SLCO1B1: variants seen among roughly 807,000 people sequenced by gnomAD.
SLCO1B1 encodes solute carrier organic anion transporter family member 1B1.
Under a neutral mutation model 70.1 loss-of-function variants are expected in SLCO1B1, and 81 were observed. The ratio of observed to expected loss-of-function variants is 1.16; its 90% CI spans 0.97 to 1.39. The LOEUF (loss-of-function observed/expected upper bound fraction) is 1.39. SLCO1B1 is among the 40% of genes most tolerant of loss of function. The pLI is 0.00. For missense variants in SLCO1B1, 895 were observed against 799.6 expected (o/e 1.12, Z -1.44); for synonymous variants, 283 against 271.5 (o/e 1.04, Z -0.42).
intron 7 of SLCO1B1, among the ~76,000 whole-genome samples, chr12:21,188,646 T>TA (rs1940989952): frequency 6.6e-6 from 1 of 152,092 alleles, no homozygotes; most frequent in African/African-American, 2.4e-5. Context: ...GATCTCATGA[T>TA]ACTGAGTGAA....
chr12:21,140,055 A>G (rs986310192), intron 1 of SLCO1B1, among the ~76,000 whole-genome samples: 12 of 152,132 alleles, frequency 7.9e-5, no homozygotes. Context: ...TAAACAAAAC[A>G]TACATAAAAC....
chr12:21,208,274 A>C (rs969748939), intron 11 of SLCO1B1, among the ~76,000 whole-genome samples: 1 of 152,032 alleles, frequency 6.6e-6, no homozygotes, highest in Non-Finnish European at 1.5e-5. Flanking sequence ...TAGGTTTTAC[A>C]TTTCAGTCTG....
intron 7 of SLCO1B1, among the ~76,000 whole-genome samples, chr12:21,182,212 G>T (rs993179657): frequency 1.3e-5 from 2 of 152,256 alleles, no homozygotes; most frequent in East Asian, 3.9e-4. Context: ...TAGCTAAGGG[G>T]TGAGTAAAGT....
intron 7 of SLCO1B1, among the ~76,000 whole-genome samples, chr12:21,195,946 A>G (rs564655418): frequency 1.3e-5 from 2 of 152,294 alleles, no homozygotes; most frequent in African/African-American, 4.8e-5. Context: ...GTTTTCTTAC[A>G]TTCAGTCTAT....
intron 14 of SLCO1B1, among the ~76,000 whole-genome samples, chr12:21,237,288 A>G (rs966280766): frequency 1.3e-5 from 2 of 152,202 alleles, no homozygotes; most frequent in Admixed American, 1.3e-4. Flanking sequence ...ATGTACTGGA[A>G]AAACATTTCT....
At chr12:21,197,268 G>A (rs1941105368) in intron 8 of SLCO1B1, 80 bp downstream of exon 8, 30 of 1,514,514 alleles carry the variant, frequency 2.0e-5, no homozygotes, top group Non-Finnish European at 2.5e-5. Context: ...AAATAATAAA[G>A]CATACCCAAC....
At chr12:21,175,528 G>T (rs78854974) in intron 4 of SLCO1B1, among the ~76,000 whole-genome samples, 6,051 of 152,158 alleles carry the variant, frequency 0.04, 183 homozygotes, top group Non-Finnish European at 0.059. Context: ...AGGATATTAG[G>T]AGACAATGAG....
At chr12:21,161,784 A>G (rs1940622662) in intron 2 of SLCO1B1, among the ~76,000 whole-genome samples, 1 of 152,120 alleles carries the variant, frequency 6.6e-6, no homozygotes, top group South Asian at 2.1e-4. Context: ...GAGGTGGGCG[A>G]ATCACTTGAG....
chr12:21,141,369 G>A (rs1940304751), intron 1 of SLCO1B1, 145 bp from the exon 2 acceptor site: 1 of 374,124 alleles, frequency 2.7e-6, no homozygotes, highest in Admixed American at 4.0e-5. Context: ...TTCCAGCATT[G>A]ACCTAGCAGA....
At chr12:21,177,830 C>CCAGT in intron 5 of SLCO1B1, among the ~76,000 whole-genome samples, 1 of 152,056 alleles carries the variant, frequency 6.6e-6, no homozygotes, top group South Asian at 2.1e-4. Context: ...ACATTACTGT[C>CCAGT]CAGTCATTAA....
At chr12:21,139,687 A>T (rs1351741191) in intron 1 of SLCO1B1, among the ~76,000 whole-genome samples, 1 of 152,132 alleles carries the variant, frequency 6.6e-6, no homozygotes, top group African/African-American at 2.4e-5. Flanking sequence ...ATACTGCTGG[A>T]CTTTCATGGG....
chr12:21,235,707 C>T (rs990058073), intron 14 of SLCO1B1, among the ~76,000 whole-genome samples: 3 of 151,874 alleles, frequency 2.0e-5, no homozygotes, highest in Admixed American at 6.6e-5. Context: ...GTTTTGAACT[C>T]CTTTGAGCAT....
chr12:21,141,068 T>C (rs1940301205), intron 1 of SLCO1B1, among the ~76,000 whole-genome samples: 1 of 151,950 alleles, frequency 6.6e-6, no homozygotes, highest in South Asian at 2.1e-4. Context: ...TCTAATTTAA[T>C]TCTTTATATT....
intron 7 of SLCO1B1, among the ~76,000 whole-genome samples, chr12:21,188,570 G>A (rs1940988985): frequency 6.6e-6 from 1 of 152,094 alleles, no homozygotes; most frequent in South Asian, 2.1e-4. Flanking sequence ...GTGGGGCCTG[G>A]TGGGAGGTGA....
chr12:21,220,657 G>A (rs554998725), intron 12 of SLCO1B1, among the ~76,000 whole-genome samples: 7 of 152,022 alleles, frequency 4.6e-5, no homozygotes, highest in South Asian at 4.1e-4. Context: ...AGGAAAGAGC[G>A]TTGTCCTCAA....
At chr12:21,155,099 A>AT (rs11385923) in intron 2 of SLCO1B1, among the ~76,000 whole-genome samples, 135,261 of 151,220 alleles carry the variant, frequency 0.89, 60,855 homozygotes, top group South Asian at 0.97. Flanking sequence ...CTCAACCTGC[A>AT]TTTTTTGTTT....
chr12:21,185,267 A>G (rs1274221363), intron 7 of SLCO1B1, among the ~76,000 whole-genome samples: 1 of 152,106 alleles, frequency 6.6e-6, no homozygotes, highest in Non-Finnish European at 1.5e-5. Flanking sequence ...GGATCCAAAA[A>G]CATCCTACAG....
At chr12:21,214,855 A>G (rs1470727821) in intron 11 of SLCO1B1, among the ~76,000 whole-genome samples, 1 of 151,848 alleles carries the variant, frequency 6.6e-6, no homozygotes, top group African/African-American at 2.4e-5. Context: ...CCTTTCTTTG[A>G]CTGGGAAAGG....
At chr12:21,222,508 G>T in intron 13 of SLCO1B1, 144 bp downstream of exon 13, 1 of 216,894 alleles carries the variant, frequency 4.6e-6, no homozygotes, top group Non-Finnish European at 8.4e-6. Context: ...CTTTAATTAT[G>T]ATAGTAAATA....
Sources: allele counts gnomAD v4.1 joint callset (sites outside exome capture counted in the v4.1 genomes callset), GRCh38; gene constraint gnomAD v4.1.1; transcripts MANE v1.5; gene names NCBI Gene and HGNC (gene_info 2026-07-23, HGNC 2026-07-21).